HMBOX1: variants seen among roughly 807,000 people sequenced by gnomAD.
HMBOX1 encodes homeobox containing 1.
A neutral mutation model predicts 54.5 loss-of-function variants in HMBOX1; 14 were observed. The ratio of observed to expected loss-of-function variants is 0.26; its 90% CI spans 0.17 to 0.40. The LOEUF (loss-of-function observed/expected upper bound fraction) is 0.40. Ranked by LOEUF, HMBOX1 falls within the 10% of genes least tolerant of loss-of-function variation. HMBOX1 has a pLI of 1.00. For missense variants in HMBOX1, 332 were observed against 514.4 expected (o/e 0.65, Z 3.43); for synonymous variants, 160 against 181.0 (o/e 0.88, Z 0.93).
chr8:29,051,584 A>C lies in HMBOX1; in HGVS notation c.*429A>C. ...AGGATGCAAGCTGAGGTCGTGGCAC[A>C]GGAATGACAGACACCATTTGGGGAG... On this transcript the variant is annotated 3_prime_UTR_variant, in exon 10 of 10. Coordinates refer to ENST00000287701, the MANE Select transcript of HMBOX1 (RefSeq NM_001135726.3). The C allele has an allele frequency of 1.4e-6, 1 of 703,036 alleles. No individual in the cohort carries two copies. Among genetic ancestry groups the C allele is most frequent in the Non-Finnish European group, 2.6e-6 (1 of 385,000 alleles). 43.5% of individuals were successfully genotyped at this position (703,036 alleles called of 1,614,324 possible). A position where few individuals can be genotyped will look rare whatever the true frequency, so the allele number is the denominator to read the frequency against.
intron 1 of HMBOX1, among the ~76,000 whole-genome samples, chr8:28,899,524 A>G (rs1812809528): frequency 6.6e-6 from 1 of 152,236 alleles, no homozygotes; most frequent in African/African-American, 2.4e-5. Flanking sequence ...GACAATAAGC[A>G]GGAATTCAAA....
intron 1 of HMBOX1, among the ~76,000 whole-genome samples, chr8:28,900,263 A>ATAT (rs1554519218): frequency 2.4e-5 from 1 of 42,362 alleles, no homozygotes; most frequent in Non-Finnish European, 7.2e-5. Context: ...TCAAAAAAAA[A>ATAT]AAAAAAAAAT....
intron 4 of HMBOX1, among the ~76,000 whole-genome samples, chr8:29,002,343 G>C (rs1479993374): frequency 6.6e-6 from 1 of 152,172 alleles, no homozygotes; most frequent in Non-Finnish European, 1.5e-5. Flanking sequence ...AGGAGACGAA[G>C]GCAGAAGGTG....
At chr8:28,998,154 GTTCGTT>G (rs1832136603) in intron 4 of HMBOX1, among the ~76,000 whole-genome samples, 1 of 152,028 alleles carries the variant, frequency 6.6e-6, no homozygotes, top group East Asian at 1.9e-4. Context: ...CTACAATTAT[GTTCGTT>G]TCATCTGGAT....
At chr8:28,938,081 G>A (rs1168250123) in intron 1 of HMBOX1, among the ~76,000 whole-genome samples, 1 of 152,066 alleles carries the variant, frequency 6.6e-6, no homozygotes, top group Non-Finnish European at 1.5e-5. Context: ...TATATGTCTG[G>A]TATTGCAGGC....
chr8:29,051,650 C>G lies in HMBOX1; in HGVS notation c.*495C>G. The G allele has an allele frequency of 1.4e-6, 1 of 702,158 alleles. No homozygotes were observed. Among genetic ancestry groups the G allele is most frequent in the South Asian group, 1.5e-5 (1 of 67,554 alleles). 43.5% of individuals were successfully genotyped at this position (702,158 alleles called of 1,614,324 possible). On this transcript the variant is annotated 3_prime_UTR_variant, in exon 10 of 10. Transcript: ENST00000287701. Reference sequence around the variant, plus strand: ...AGGAACACTAGAATCCCCACCTCAGCGTGAGGATAATTGATTTCCAGCTGC... The same window carrying G: ...AGGAACACTAGAATCCCCACCTCAGGGTGAGGATAATTGATTTCCAGCTGC...
In HMBOX1 at chr8:29,052,518, T is replaced by C. The variant is rs1185004004; in HGVS notation, c.*1363T>C. 1 of 152,258 alleles carries C rather than the reference T, an allele frequency of 6.6e-6. No homozygotes were observed. The allele number at this position is 152,258 out of a possible 1,614,324, so 9.4% of individuals were successfully genotyped here. ...TAGCACTTTTGTTACTTTTTAAAGA[T>C]ATTTATATTTGATAAATCTTTTTTT... On this transcript the variant is annotated 3_prime_UTR_variant, in exon 10 of 10. Coordinates refer to ENST00000287701, the MANE Select transcript of HMBOX1 (RefSeq NM_001135726.3).
intron 4 of HMBOX1, among the ~76,000 whole-genome samples, chr8:28,989,332 C>T (rs1481824985): frequency 1.3e-5 from 2 of 151,116 alleles, no homozygotes; most frequent in South Asian, 2.1e-4. Context: ...CTCATGTTTT[C>T]CTCTGTAAGT....
intron 6 of HMBOX1, among the ~76,000 whole-genome samples, chr8:29,029,035 T>G (rs1429534842): frequency 2.0e-5 from 3 of 152,212 alleles, no homozygotes; most frequent in Admixed American, 2.0e-4. Context: ...TTATATAATT[T>G]GAGGCTTTCT....
intron 9 of HMBOX1, 43 bp from the exon 10 acceptor site, chr8:29,050,975 T>G (rs1806360455): frequency 2.5e-6 from 4 of 1,588,634 alleles, no homozygotes; most frequent in Non-Finnish European, 3.4e-6. Context: ...ACTAAAGAAT[T>G]CTTCCAATCC....
intron 8 of HMBOX1, among the ~76,000 whole-genome samples, chr8:29,047,713 A>G (rs1038328593): frequency 6.6e-6 from 1 of 151,876 alleles, no homozygotes; most frequent in Non-Finnish European, 1.5e-5. Flanking sequence ...GATTATAGGC[A>G]TGTGCCACCA....
chr8:28,921,085 A>G (rs1030434640), intron 1 of HMBOX1, among the ~76,000 whole-genome samples: 1 of 152,264 alleles, frequency 6.6e-6, no homozygotes, highest in Non-Finnish European at 1.5e-5. Flanking sequence ...CTGTAATCCC[A>G]GCACTTTGGG....
chr8:28,902,102 G>A (rs781488192), intron 1 of HMBOX1, among the ~76,000 whole-genome samples: 1 of 152,134 alleles, frequency 6.6e-6, no homozygotes, highest in Non-Finnish European at 1.5e-5. Flanking sequence ...TTCATGTTAT[G>A]TATATGAATT....
At chr8:28,890,170 C>G (rs1231376583), upstream of HMBOX1, 3 of 473,184 alleles carry the variant, frequency 6.3e-6, no homozygotes, top group African/African-American at 3.9e-5. Context: ...AGCATGATAT[C>G]ATGTCTTCCT....
chr8:28,976,466 G>A (rs1050479370), intron 3 of HMBOX1, among the ~76,000 whole-genome samples: 1 of 152,022 alleles, frequency 6.6e-6, no homozygotes, highest in African/African-American at 2.4e-5. Flanking sequence ...GCTCACTGCA[G>A]CATCCGCCTT....
chr8:28,925,815 AAGT>A (rs1298558415), intron 1 of HMBOX1, among the ~76,000 whole-genome samples: 2 of 152,172 alleles, frequency 1.3e-5, no homozygotes, highest in Non-Finnish European at 2.9e-5. Flanking sequence ...AATAATATAA[AAGT>A]AGCTAATGAC....
intron 4 of HMBOX1, among the ~76,000 whole-genome samples, chr8:29,006,164 T>C (rs1833428512): frequency 6.6e-6 from 1 of 152,032 alleles, no homozygotes; most frequent in African/African-American, 2.4e-5. Context: ...GGCTAAGTTT[T>C]GTATTTTTAG....
intron 1 of HMBOX1, among the ~76,000 whole-genome samples, chr8:28,902,790 C>CA (rs1473496741): frequency 6.6e-6 from 1 of 152,076 alleles, no homozygotes; most frequent in Admixed American, 6.5e-5. Flanking sequence ...TGTTGGAGAG[C>CA]AGGGAACAGA....
chr8:28,960,097 T>C (rs1825195790), intron 1 of HMBOX1, among the ~76,000 whole-genome samples: 1 of 152,026 alleles, frequency 6.6e-6, no homozygotes, highest in Non-Finnish European at 1.5e-5. Flanking sequence ...TTATGCCTTC[T>C]GTAGCTTCAT....
Sources: allele counts gnomAD v4.1 joint callset (sites outside exome capture counted in the v4.1 genomes callset), GRCh38; gene constraint gnomAD v4.1.1; transcripts MANE v1.5; gene names NCBI Gene and HGNC (gene_info 2026-07-23, HGNC 2026-07-21).